Variants in ARFGEF1 observed in about 807,000 individuals in gnomAD.
ARFGEF1 encodes ARF guanine nucleotide exchange factor 1.
Under a neutral mutation model 231.0 loss-of-function variants are expected in ARFGEF1, and 42 were observed. The ratio of observed to expected loss-of-function variants is 0.18; its 90% confidence interval spans 0.14 to 0.24. The LOEUF is 0.24. Among genes scored for constraint, ARFGEF1 ranks in the 10% least tolerant of loss-of-function variants. ARFGEF1 has a pLI of 1.00. For synonymous variants in ARFGEF1, 710 were observed against 732.3 expected (o/e 0.97, Z 0.49); for missense variants, 1,345 against 2,192.0 (o/e 0.61, Z 7.72).
intron 1 of ARFGEF1, among the ~76,000 whole-genome samples, chr8:67,325,962 G>A (rs1807813991): frequency 6.6e-6 from 1 of 152,202 alleles, no homozygotes; most frequent in Non-Finnish European, 1.5e-5. Context: ...GGGATTACAG[G>A]CCGAGGCGGG....
At chr8:67,255,762 T>C (rs1305108436) in intron 17 of ARFGEF1, among the ~76,000 whole-genome samples, 4 of 152,146 alleles carry the variant, frequency 2.6e-5, no homozygotes, top group Admixed American at 6.5e-5. Flanking sequence ...TAAGGAACAG[T>C]TGGACAACAA....
chr8:67,313,171 A>G lies in ARFGEF1; in HGVS notation c.125-10705T>C, dbSNP rs143972062. On this transcript the variant is annotated intron_variant, in intron 1 of 38. Coordinates refer to ENST00000262215, the MANE Select transcript of ARFGEF1 (RefSeq NM_006421.5). The stretch of plus-strand genomic sequence containing the variant: ...AGCTACTTGGGAGGCTGAGCCAGGA[A>G]GATCACTTGAGCCCAGGAGTTCATT... Among the ~76,000 whole-genome samples the G allele has an allele frequency of 8.6e-3, 1,305 of 152,294 alleles. 15 individuals are homozygous for G. Among genetic ancestry groups the G allele is most frequent in the African/African-American group, 0.03 (1,229 of 41,546 alleles).
At chr8:67,297,037 C>T (rs995489295) in intron 4 of ARFGEF1, among the ~76,000 whole-genome samples, 4 of 152,320 alleles carry the variant, frequency 2.6e-5, no homozygotes, top group Admixed American at 2.6e-4. Flanking sequence ...ACAATTACCA[C>T]TTGCGGGTAG....
chr8:67,299,263 A>T lies in ARFGEF1; in HGVS notation c.405T>A (p.Cys135Ter). The T allele has an allele frequency of 6.2e-7, 1 of 1,601,670 alleles. No homozygotes were observed. Among genetic ancestry groups the T allele is most frequent in the East Asian group, 2.3e-5 (1 of 44,394 alleles). The change falls in exon 4 of 39, where the codon TGT becomes TGA. Residue 135 changes from cysteine to a stop codon, truncating the protein, a stop_gained. Transcript: ENST00000262215. LOFTEE classifies it high-confidence loss of function. ...KLIDRIIETI[C>*]GCFQGPQTDE... is the part of the protein sequence containing the mutation. ...CTGTCTGAGGGCCCTGAAAGCAGCCACATATTGTTTCAATAATTCTATCAA... is the reference window on the plus strand; with the variant it reads ...CTGTCTGAGGGCCCTGAAAGCAGCCTCATATTGTTTCAATAATTCTATCAA...
rs771753506 is a variant in ARFGEF1 at position 67,266,225 on chromosome 8, G to A, written c.1922-18C>T. ...TTCCTGACCTGAAAGAAGAAAAATT[G>A]ATAGAGTACATTATTCTATCAAAGA... On this transcript the variant is annotated intron_variant, in intron 13 of 38. Transcript: ENST00000262215. 1 of 1,602,254 alleles carries A rather than the reference G, an allele frequency of 6.2e-7. No individual in the cohort carries two copies.
intron 22 of ARFGEF1, among the ~76,000 whole-genome samples, chr8:67,234,968 AC>A (rs150536698): frequency 0.016 from 2,455 of 151,892 alleles, 69 homozygotes; most frequent in African/African-American, 0.057. Context: ...TGAGAAAAAA[AC>A]AATGCCAATC....
intron 5 of ARFGEF1, among the ~76,000 whole-genome samples, chr8:67,184,709 G>C (rs1833948379): frequency 6.7e-6 from 1 of 148,932 alleles, no homozygotes; most frequent in Admixed American, 6.6e-5. Context: ...GCATGACAGA[G>C]TGAGATTCTG....
chr8:67,236,120 C>A (rs1397896475), intron 22 of ARFGEF1, among the ~76,000 whole-genome samples: 2 of 150,432 alleles, frequency 1.3e-5, no homozygotes, highest in Non-Finnish European at 3.0e-5. Context: ...CATGGTGAAA[C>A]CCTGTCTCTA....
chr8:67,294,682 A>G (rs534795669), intron 5 of ARFGEF1, among the ~76,000 whole-genome samples: 38 of 152,284 alleles, frequency 2.5e-4, no homozygotes, highest in African/African-American at 8.7e-4. Context: ...AATCAGAAAT[A>G]TCAGTATGAA....
intron 5 of ARFGEF1, among the ~76,000 whole-genome samples, chr8:67,177,171 CTTGT>C (rs1181284678): frequency 6.6e-6 from 1 of 151,584 alleles, no homozygotes; most frequent in Non-Finnish European, 1.5e-5. Flanking sequence ...TCATTCGCAG[CTTGT>C]TTATTTTCAA....
chr8:67,329,637 A>T (rs559971817), intron 1 of ARFGEF1, among the ~76,000 whole-genome samples: 1 of 151,504 alleles, frequency 6.6e-6, no homozygotes, highest in South Asian at 2.1e-4. Context: ...AGAACATTTA[A>T]TTTCCAAACT....
In ARFGEF1 at chr8:67,228,048, A is replaced by AT; in HGVS notation, c.3505dup (p.Ile1169AsnfsTer28). Reference sequence around the variant, plus strand: ...CATGTTGTAATATGATATTTCTACTATTTTTTGTAGACTAAACATTCTTGG... The same window carrying AT: ...CATGTTGTAATATGATATTTCTACTATTTTTTTGTAGACTAAACATTCTTGG... On this transcript the variant is annotated frameshift_variant, in exon 25 of 39. Coordinates refer to ENST00000262215, the MANE Select transcript of ARFGEF1 (RefSeq NM_006421.5). LOFTEE classifies it high-confidence loss of function. 6.2e-7 allele frequency: 1 copy of AT among 1,608,762 alleles called. No homozygotes were observed. Among genetic ancestry groups the AT allele is most frequent in the Non-Finnish European group, 8.5e-7 (1 of 1,178,468 alleles).
intron 15 of ARFGEF1, 123 bp from the exon 16 acceptor site, chr8:67,258,413 C>T: frequency 4.6e-6 from 3 of 654,278 alleles, no homozygotes; most frequent in Non-Finnish European, 7.5e-6. Flanking sequence ...GCAACCTCTG[C>T]CCCCAGGTTC....
chr8:67,243,235 T>TAA (rs1839985521), intron 19 of ARFGEF1, among the ~76,000 whole-genome samples: 1 of 152,182 alleles, frequency 6.6e-6, no homozygotes, highest in South Asian at 2.1e-4. Context: ...ATCACAATAC[T>TAA]CAAGTATATT....
chr8:67,244,257 A>C lies in ARFGEF1; in HGVS notation c.2851-3967T>G, dbSNP rs1396308044. On this transcript the variant is annotated intron_variant, in intron 19 of 38. Transcript: ENST00000262215. ...GACTCCACCTCAAAAAAAAAAAAAA[A>C]AAAAAAAAAAACATTCGACTACTGA... Among the ~76,000 whole-genome samples, 4 of 30,570 alleles carry C rather than the reference A, an allele frequency of 1.3e-4. 1 individual carries two copies. Among genetic ancestry groups the C allele is most frequent in the East Asian group, 1.4e-3 (2 of 1,464 alleles). 20.1% of individuals were successfully genotyped at this position (30,570 alleles called of 152,430 possible). A position where few individuals can be genotyped will look rare whatever the true frequency, so the allele number is the denominator to read the frequency against.
chr8:67,300,804 A>G (rs1482336688), intron 3 of ARFGEF1, among the ~76,000 whole-genome samples: 1 of 151,914 alleles, frequency 6.6e-6, no homozygotes, highest in Non-Finnish European at 1.5e-5. Flanking sequence ...AGATTACGCC[A>G]CTGCACTCCA....
chr8:67,210,154 CAA>C (rs59530693), intron 34 of ARFGEF1, among the ~76,000 whole-genome samples: 8,946 of 53,464 alleles, frequency 0.17, 549 homozygotes, highest in African/African-American at 0.34. Context: ...GACTCCGTCT[CAA>C]AAAAAAAAAA....
intron 19 of ARFGEF1, among the ~76,000 whole-genome samples, chr8:67,241,973 A>AAACTGAGCTG (rs1315199958): frequency 6.6e-6 from 1 of 152,206 alleles, no homozygotes; most frequent in Non-Finnish European, 1.5e-5. Context: ...GTAGAAAGCA[A>AAACTGAGCTG]AACTGAGCTG....
Position 67,340,879 on chromosome 8 carries a change from T to C in ARFGEF1, c.124+2285A>G, listed in dbSNP as rs141920176. Among the ~76,000 whole-genome samples the C allele has an allele frequency of 5.3e-3, 802 of 152,224 alleles. 19 individuals are homozygous for C. Among genetic ancestry groups the C allele is most frequent in the Admixed American group, 0.046 (696 of 15,280 alleles). On this transcript the variant is annotated intron_variant, in intron 1 of 38. Coordinates refer to ENST00000262215, the MANE Select transcript of ARFGEF1 (RefSeq NM_006421.5). ...AACCCTGGTACAGTTGGCACACATA[T>C]CAAGTAATCCCGACCTCCAGAAATG...
Sources: allele counts gnomAD v4.1 joint callset (sites outside exome capture counted in the v4.1 genomes callset), GRCh38; gene constraint gnomAD v4.1.1; transcripts MANE v1.5; gene names NCBI Gene and HGNC (gene_info 2026-07-23, HGNC 2026-07-21).